The following SND1 variants were observed in gnomAD, a reference collection of about 807,000 sequenced individuals.
The protein encoded by SND1 is staphylococcal nuclease and tudor domain containing 1, also known as staphylococcal nuclease domain-containing protein 1.
A neutral mutation model predicts 121.7 loss-of-function variants in SND1; 38 were observed. That is an observed-to-expected ratio of 0.31 (90% CI 0.24 to 0.41). The LOEUF is 0.41. Ranked by LOEUF, SND1 falls within the 10% of genes least tolerant of loss-of-function variation. The pLI, the probability that SND1 is intolerant of heterozygous loss-of-function variation, is 1.00. For synonymous variants in SND1, 401 were observed against 447.4 expected (o/e 0.90, Z 1.31); for missense variants, 868 against 1,184.6 (o/e 0.73, Z 3.92).
At chr7:127,653,011 G>C (rs188813331) in intron 1 of SND1, among the ~76,000 whole-genome samples, 1 of 152,144 alleles carries the variant, frequency 6.6e-6, no homozygotes, top group South Asian at 2.1e-4. Flanking sequence ...AAAAGGTTAG[G>C]CCGGCAAGAA....
intron 9 of SND1, among the ~76,000 whole-genome samples, chr7:127,712,923 C>T (rs971529500): frequency 2.6e-5 from 4 of 152,028 alleles, no homozygotes; most frequent in African/African-American, 4.8e-5. Context: ...GAATTTTTTT[C>T]GTTATTTAGA....
intron 16 of SND1, among the ~76,000 whole-genome samples, chr7:128,014,784 A>G (rs1584738451): frequency 6.6e-6 from 1 of 152,296 alleles, no homozygotes; most frequent in Non-Finnish European, 1.5e-5. Context: ...TGTGTCTGCA[A>G]TTTGTTACCA....
chr7:127,755,532 C>G (rs1294796318), intron 10 of SND1, among the ~76,000 whole-genome samples: 1 of 152,218 alleles, frequency 6.6e-6, no homozygotes, highest in Non-Finnish European at 1.5e-5. Context: ...AGACACCTCT[C>G]AAAATATAAT....
intron 10 of SND1, among the ~76,000 whole-genome samples, chr7:127,769,278 C>T (rs769673141): frequency 6.6e-6 from 1 of 151,666 alleles, no homozygotes; most frequent in Non-Finnish European, 1.5e-5. Flanking sequence ...CAGTAGTAAA[C>T]TCCGTTTCCT....
chr7:127,889,964 G>A (rs62481443), intron 13 of SND1, among the ~76,000 whole-genome samples: 43,031 of 151,936 alleles, frequency 0.28, 7,647 homozygotes, highest in East Asian at 0.7. Flanking sequence ...TTTGGCTGTT[G>A]TGAACAGGAC....
intron 10 of SND1, among the ~76,000 whole-genome samples, chr7:127,744,165 T>A (rs1399289068): frequency 2.0e-5 from 3 of 152,204 alleles, no homozygotes; most frequent in African/African-American, 7.2e-5. Context: ...CAATTAACAC[T>A]GATTTAGGGA....
At chr7:127,883,145 G>A (rs1183174912) in intron 12 of SND1, among the ~76,000 whole-genome samples, 1 of 152,100 alleles carries the variant, frequency 6.6e-6, no homozygotes, top group East Asian at 1.9e-4. Context: ...AAAGATAGAC[G>A]AGCAGTTGAC....
chr7:128,074,768 A>T, intron 17 of SND1, 78 bp downstream of exon 17: 2 of 1,358,292 alleles, frequency 1.5e-6, no homozygotes, highest in Non-Finnish European at 1.0e-6. Flanking sequence ...TCCAGAGAAC[A>T]GGAGGAAGTT....
intron 15 of SND1, among the ~76,000 whole-genome samples, chr7:127,960,754 G>A (rs1222318707): frequency 6.6e-6 from 1 of 152,174 alleles, no homozygotes; most frequent in Non-Finnish European, 1.5e-5. Context: ...TCCCTGTGTT[G>A]TATTTTAGGA....
chr7:128,081,786 G>A, intron 18 of SND1: 3 of 612,588 alleles, frequency 4.9e-6, no homozygotes, highest in Non-Finnish European at 9.7e-6. Context: ...GGTTTATCTG[G>A]GTGGAGCTCT....
chr7:128,079,676 G>A (rs1793565426), intron 17 of SND1, among the ~76,000 whole-genome samples: 1 of 152,218 alleles, frequency 6.6e-6, no homozygotes, highest in South Asian at 2.1e-4. Flanking sequence ...AGAAGTGTGG[G>A]GTCTGGGTTG....
At chr7:127,894,383 T>TA (rs879884918) in intron 13 of SND1, among the ~76,000 whole-genome samples, 233 of 141,344 alleles carry the variant, frequency 1.6e-3, no homozygotes, top group Middle Eastern at 0.015. Context: ...ATGTGTGCCT[T>TA]AAAAAAAAAA....
intron 16 of SND1, chr7:128,030,125 G>T: frequency 6.2e-7 from 1 of 1,614,186 alleles, no homozygotes; most frequent in Non-Finnish European, 8.5e-7. Context: ...GGCGCATGAG[G>T]GAGGGCACCC....
intron 10 of SND1, among the ~76,000 whole-genome samples, chr7:127,772,428 A>G (rs1797530585): frequency 6.6e-6 from 1 of 152,198 alleles, no homozygotes; most frequent in Non-Finnish European, 1.5e-5. Flanking sequence ...TTTAAAACAC[A>G]CACACACACC....
At chr7:127,810,626 T>C (rs1798320072) in intron 11 of SND1, among the ~76,000 whole-genome samples, 1 of 152,256 alleles carries the variant, frequency 6.6e-6, no homozygotes, top group Admixed American at 6.5e-5. Context: ...CTTCTTCTGA[T>C]AGCAGGAGCA....
intron 11 of SND1, among the ~76,000 whole-genome samples, chr7:127,833,842 A>G (rs1460580881): frequency 6.6e-6 from 1 of 152,194 alleles, no homozygotes; most frequent in Non-Finnish European, 1.5e-5. Flanking sequence ...TGCACAATCG[A>G]AACTCTATAC....
chr7:128,049,722 T>G (rs918666408), intron 16 of SND1, among the ~76,000 whole-genome samples: 2 of 152,132 alleles, frequency 1.3e-5, no homozygotes, highest in Admixed American at 1.3e-4. Flanking sequence ...TCCTTTAACC[T>G]TCAGGGTCCT....
At chr7:127,674,319 A>G (rs1025793696) in intron 1 of SND1, among the ~76,000 whole-genome samples, 1 of 152,188 alleles carries the variant, frequency 6.6e-6, no homozygotes, top group African/African-American at 2.4e-5. Context: ...AACAACACAC[A>G]TGTATCTCTC....
intron 15 of SND1, among the ~76,000 whole-genome samples, chr7:127,955,681 A>G (rs1211950474): frequency 2.0e-5 from 3 of 152,148 alleles, no homozygotes; most frequent in Non-Finnish European, 2.9e-5. Flanking sequence ...CTTGGGGTCT[A>G]TAGAATCAGT....
Sources: allele counts gnomAD v4.1 joint callset (sites outside exome capture counted in the v4.1 genomes callset), GRCh38; gene constraint gnomAD v4.1.1; transcripts MANE v1.5; gene names NCBI Gene and HGNC (gene_info 2026-07-23, HGNC 2026-07-21).